PRICKLE1: variants seen among roughly 807,000 people sequenced by gnomAD.
PRICKLE1 encodes the protein prickle-like protein 1.
A neutral mutation model predicts 70.2 loss-of-function variants in PRICKLE1; 14 were observed. The observed-to-expected ratio is 0.20, with a 90% confidence interval of 0.13 to 0.31. PRICKLE1 has a LOEUF of 0.31. Among genes scored for constraint, PRICKLE1 ranks in the 10% least tolerant of loss-of-function variants. The pLI, the probability that PRICKLE1 is intolerant of heterozygous loss-of-function variation, is 1.00. For synonymous variants in PRICKLE1, 357 were observed against 379.9 expected, an observed-to-expected ratio of 0.94 and a Z score of 0.70; for missense variants, 821 against 1,026.2, an observed-to-expected ratio of 0.80 and a Z score of 2.73.
chr12:42,559,606 G>A (rs867328562), intron 1 of PRICKLE1, among the ~76,000 whole-genome samples: 138 of 110,724 alleles, frequency 1.2e-3, no homozygotes, highest in African/African-American at 3.6e-3. Context: ...GTGTGTGTGT[G>A]TATATATATA....
chr12:42,532,957 A>T (rs1939947489), intron 1 of PRICKLE1, among the ~76,000 whole-genome samples: 1 of 152,014 alleles, frequency 6.6e-6, no homozygotes, highest in South Asian at 2.1e-4. Flanking sequence ...AGCACATCTC[A>T]ATTCAGACTA....
chr12:42,459,303 A>T lies in PRICKLE1; in HGVS notation c.*506T>A. The stretch of plus-strand genomic sequence containing the variant: ...CTGGCGCTGATACAATACAATGTTT[A>T]CCTGGCCAAAGAGGGTTCGAGGGGA... On this transcript the variant is annotated 3_prime_UTR_variant, in exon 8 of 8. Transcript: ENST00000345127. 1 of 702,136 alleles carries T rather than the reference A, an allele frequency of 1.4e-6. No homozygotes were observed. The highest frequency in any genetic ancestry group is 2.7e-5 in the East Asian group (1 of 37,274). The allele number at this position is 702,136 out of a possible 1,614,324, so 43.5% of individuals were successfully genotyped here.
chr12:42,580,891 A>G (rs149510514), intron 1 of PRICKLE1, among the ~76,000 whole-genome samples: 24 of 152,182 alleles, frequency 1.6e-4, no homozygotes, highest in South Asian at 6.2e-4. Flanking sequence ...AAAGGAAGGA[A>G]GGACGGAAGG....
intron 1 of PRICKLE1, among the ~76,000 whole-genome samples, chr12:42,527,972 T>TA: frequency 1.4e-4 from 1 of 7,302 alleles, no homozygotes; most frequent in Non-Finnish European, 3.5e-4. Flanking sequence ...TATATATATA[T>TA]CTCCAAAGTT....
chr12:42,484,473 A>G (rs927874608), intron 1 of PRICKLE1: 1 of 152,246 alleles, frequency 6.6e-6, no homozygotes, highest in Admixed American at 6.5e-5. Context: ...TGGCACATTT[A>G]AGCAAGTTCT....
chr12:42,534,874 G>GT (rs1939991531), intron 1 of PRICKLE1, among the ~76,000 whole-genome samples: 1 of 152,206 alleles, frequency 6.6e-6, no homozygotes, highest in Admixed American at 6.5e-5. Flanking sequence ...AAGCCATGGA[G>GT]TAAGGACAAA....
At chr12:42,545,867 A>T (rs10785345) in intron 1 of PRICKLE1, among the ~76,000 whole-genome samples, 82,599 of 148,502 alleles carry the variant, frequency 0.56, 23,152 homozygotes, top group African/African-American at 0.57. Context: ...AAAAAAAAAA[A>T]ATATATATAT....
chr12:42,588,530 T>C (rs1837848319), intron 1 of PRICKLE1, among the ~76,000 whole-genome samples: 1 of 152,030 alleles, frequency 6.6e-6, no homozygotes, highest in Non-Finnish European at 1.5e-5. Flanking sequence ...TTTTTTCCTT[T>C]AGGCTGGTTC....
At position 42,575,512 on chromosome 12, in the gene PRICKLE1, T is replaced by G. The variant is rs936925367; in HGVS notation, c.-49+13953A>C. On this transcript the variant is annotated intron_variant, in intron 1 of 7. Coordinates refer to ENST00000345127, the MANE Select transcript of PRICKLE1 (RefSeq NM_153026.3). ...GAGTTCGAGACCAGCCTAACTAACATGGTAAAACCCATCTCTACTAAAAAT... is the reference window on the plus strand; with the variant it reads ...GAGTTCGAGACCAGCCTAACTAACAGGGTAAAACCCATCTCTACTAAAAAT... 2.0e-5 allele frequency among the ~76,000 whole-genome samples: 3 copies of G among 151,948 alleles called. No homozygotes were observed. In the South Asian group the frequency reaches 6.2e-4, roughly 31 times the overall value.
At chr12:42,495,441 T>C (rs1300828969) in intron 1 of PRICKLE1, among the ~76,000 whole-genome samples, 1 of 150,704 alleles carries the variant, frequency 6.6e-6, no homozygotes. Flanking sequence ...CTCACTATGT[T>C]GCCCAGGCTG....
intron 1 of PRICKLE1, among the ~76,000 whole-genome samples, chr12:42,534,726 G>A (rs529480963): frequency 1.3e-5 from 2 of 152,174 alleles, no homozygotes; most frequent in South Asian, 4.2e-4. Flanking sequence ...GTTACACCCA[G>A]ATGTTCATTA....
intron 1 of PRICKLE1, among the ~76,000 whole-genome samples, chr12:42,587,477 T>C (rs1158690461): frequency 6.6e-6 from 1 of 152,246 alleles, no homozygotes; most frequent in African/African-American, 2.4e-5. Flanking sequence ...GTGGGTAACA[T>C]CCATTTATTT....
chr12:42,495,400 A>AAAGAG (rs1555233526), intron 1 of PRICKLE1, among the ~76,000 whole-genome samples: 16 of 136,582 alleles, frequency 1.2e-4, no homozygotes, highest in African/African-American at 4.9e-4. Context: ...AAAAAAAAAA[A>AAAGAG]AGAGAGAGAG....
At chr12:42,493,882 A>G (rs1939149102) in intron 1 of PRICKLE1, among the ~76,000 whole-genome samples, 2 of 152,016 alleles carry the variant, frequency 1.3e-5, no homozygotes, top group Admixed American at 1.3e-4. Context: ...AAAAGAAAAG[A>G]AAAAAAGAGA....
intron 1 of PRICKLE1, among the ~76,000 whole-genome samples, chr12:42,565,135 G>A (rs1940599899): frequency 6.6e-6 from 1 of 152,170 alleles, no homozygotes; most frequent in Non-Finnish European, 1.5e-5. Flanking sequence ...CCAGAGTTCT[G>A]GGAGCAGCAG....
chr12:42,538,512 C>T (rs1229145079), intron 1 of PRICKLE1, among the ~76,000 whole-genome samples: 2 of 152,120 alleles, frequency 1.3e-5, no homozygotes, highest in Non-Finnish European at 2.9e-5. Context: ...TGACATTTTA[C>T]AATACTAATA....
chr12:42,572,692 T>C (rs1232375141), intron 1 of PRICKLE1, among the ~76,000 whole-genome samples: 1 of 151,264 alleles, frequency 6.6e-6, no homozygotes, highest in Non-Finnish European at 1.5e-5. Context: ...CAAGGCATGG[T>C]GGCATGCCCC....
chr12:42,519,212 T>TTTTTTA lies in PRICKLE1; in HGVS notation c.-48-46649_-48-46648insTAAAAA, dbSNP rs1939665463. ...TTTTTCCTTTTTTTTTTTTTTTTTTTTGAGATGGTGTGTTGCTCTTGTCAC... is the reference window on the plus strand; with the variant it reads ...TTTTTCCTTTTTTTTTTTTTTTTTTTTTTTTATGAGATGGTGTGTTGCTCTTGTCAC... On this transcript the variant is annotated intron_variant, in intron 1 of 7. Transcript: ENST00000345127. 2.1e-5 allele frequency among the ~76,000 whole-genome samples: 3 copies of TTTTTTA among 145,756 alleles called. No homozygotes were observed. In the South Asian group the frequency reaches 6.6e-4, roughly 32 times the overall value.
chr12:42,462,848 G>A (rs577627268), intron 7 of PRICKLE1, among the ~76,000 whole-genome samples: 1 of 152,298 alleles, frequency 6.6e-6, no homozygotes, highest in African/African-American at 2.4e-5. Flanking sequence ...CAAATAATTT[G>A]CATAATGTCC....
Sources: gnomAD v4.1 joint callset for allele counts (sites outside exome capture counted in the v4.1 genomes callset) on GRCh38, gnomAD v4.1.1 for gene constraint, MANE v1.5 for transcripts, NCBI Gene and HGNC (gene_info 2026-07-23, HGNC 2026-07-21) for gene names.